The following GPC6 variants were observed in gnomAD, a reference collection of about 807,000 sequenced individuals.
The protein encoded by GPC6 is glypican-6.
A neutral mutation model predicts 55.2 loss-of-function variants in GPC6; 14 were observed. The ratio of observed to expected loss-of-function variants is 0.25; its 90% CI spans 0.17 to 0.40. The LOEUF is 0.40. Ranked by LOEUF, GPC6 falls within the 10% of genes least tolerant of loss-of-function variation. The pLI is 1.00. For synonymous variants in GPC6, 278 were observed against 259.6 expected, an observed-to-expected ratio of 1.07 and a Z score of -0.68; for missense variants, 641 against 708.5, an observed-to-expected ratio of 0.90 and a Z score of 1.08.
chr13:93,571,929 A>C (rs1594277501), intron 2 of GPC6, among the ~76,000 whole-genome samples: 1 of 151,608 alleles, frequency 6.6e-6, no homozygotes, highest in South Asian at 2.1e-4. Context: ...TTTTCAAAAA[A>C]TGATTTCATA....
In GPC6 at chr13:93,289,892, A is replaced by G. The variant is rs548308849; in HGVS notation, c.160+62276A>G. 2.6e-5 allele frequency among the ~76,000 whole-genome samples: 4 copies of G among 152,334 alleles called. No homozygotes were observed. The South Asian group carries it at 8.3e-4, about 32-fold the overall frequency. Reference sequence around the variant, plus strand: ...ACTGGTCATGAGAGGCTGATATTGCATGGAAAAATAGCTCCTCTTTTGAAA... The same window carrying G: ...ACTGGTCATGAGAGGCTGATATTGCGTGGAAAAATAGCTCCTCTTTTGAAA... On this transcript the variant is annotated intron_variant, in intron 1 of 8. Coordinates refer to ENST00000377047, the MANE Select transcript of GPC6 (RefSeq NM_005708.5).
chr13:94,215,872 C>A (rs1050299454), intron 4 of GPC6, among the ~76,000 whole-genome samples: 1 of 152,130 alleles, frequency 6.6e-6, no homozygotes. Context: ...AAAAGGGGTA[C>A]ATTTAACTTC....
intron 3 of GPC6, among the ~76,000 whole-genome samples, chr13:93,890,981 C>T (rs1388933054): frequency 6.6e-6 from 1 of 151,698 alleles, no homozygotes; most frequent in Non-Finnish European, 1.5e-5. Flanking sequence ...GTAACACTAG[C>T]GAGACATGTC....
intron 1 of GPC6, among the ~76,000 whole-genome samples, chr13:93,408,312 A>G (rs1345865848): frequency 1.3e-5 from 2 of 152,188 alleles, no homozygotes; most frequent in Non-Finnish European, 2.9e-5. Flanking sequence ...GGACTAGAAT[A>G]GAAGAGGTGA....
intron 4 of GPC6, among the ~76,000 whole-genome samples, chr13:94,257,058 G>A (rs1891528588): frequency 6.6e-6 from 1 of 152,144 alleles, no homozygotes; most frequent in Admixed American, 6.5e-5. Context: ...TTTAACAAGT[G>A]TTTCTTTTGA....
At chr13:94,238,428 G>A (rs1162365104) in intron 4 of GPC6, among the ~76,000 whole-genome samples, 1 of 152,082 alleles carries the variant, frequency 6.6e-6, no homozygotes. Flanking sequence ...CATGAGACCA[G>A]AGGTGGAAGA....
chr13:94,144,581 C>CAG (rs139887574), intron 4 of GPC6, among the ~76,000 whole-genome samples: 4 of 141,270 alleles, frequency 2.8e-5, no homozygotes, highest in Admixed American at 1.4e-4. Context: ...GTGTATAAGA[C>CAG]AGAGAGAGAG....
rs1258317128 is a variant in GPC6, at chr13:94,133,440, A to G, written c.877+105546A>G. Among the ~76,000 whole-genome samples, 3 of 152,298 alleles carry G rather than the reference A, an allele frequency of 2.0e-5. No homozygotes were observed. The East Asian group carries it at 5.8e-4, about 29-fold the overall frequency. ...CTTAAAAAATAAAAAATCAAATTAA[A>G]AAATCAGAACAAACAGGGAATGTAT... On this transcript the variant is annotated intron_variant, in intron 4 of 8. Transcript: ENST00000377047.
chr13:93,609,481 G>T (rs578197470), intron 2 of GPC6, among the ~76,000 whole-genome samples: 3 of 152,208 alleles, frequency 2.0e-5, no homozygotes, highest in South Asian at 4.1e-4. Flanking sequence ...CAAATGATCC[G>T]CCGGCCTTGG....
chr13:93,969,709 TC>T (rs1460464432), intron 3 of GPC6, among the ~76,000 whole-genome samples: 5 of 152,150 alleles, frequency 3.3e-5, no homozygotes, highest in Admixed American at 6.6e-5. Context: ...CATTTTTTTT[TC>T]CTTCATCCCT....
At chr13:94,057,897 C>T (rs1445423923) in intron 4 of GPC6, among the ~76,000 whole-genome samples, 1 of 152,202 alleles carries the variant, frequency 6.6e-6, no homozygotes, top group Non-Finnish European at 1.5e-5. Context: ...TGTATTCAAA[C>T]TCACTATAGA....
chr13:93,538,075 GT>G (rs1156368372), intron 1 of GPC6, among the ~76,000 whole-genome samples: 1 of 152,070 alleles, frequency 6.6e-6, no homozygotes, highest in South Asian at 2.1e-4. Flanking sequence ...AATCATTGCA[GT>G]TTAAGGAACA....
intron 2 of GPC6, among the ~76,000 whole-genome samples, chr13:93,735,696 C>T (rs1265929843): frequency 6.6e-6 from 1 of 152,178 alleles, no homozygotes; most frequent in Admixed American, 6.5e-5. Flanking sequence ...GGTCAATTTT[C>T]AAAGCCAAAA....
chr13:93,845,958 A>G (rs1371633061), intron 3 of GPC6, among the ~76,000 whole-genome samples: 2 of 151,938 alleles, frequency 1.3e-5, no homozygotes, highest in African/African-American at 2.4e-5. Flanking sequence ...CAATGTGCAC[A>G]TGTACCCTAA....
chr13:93,310,347 C>A (rs112925234), intron 1 of GPC6, among the ~76,000 whole-genome samples: 5 of 152,188 alleles, frequency 3.3e-5, no homozygotes, highest in Admixed American at 6.5e-5. Context: ...CTTCCTTCTA[C>A]GTCAGTTCCC....
At chr13:93,442,190 G>A (rs1464197524) in intron 1 of GPC6, among the ~76,000 whole-genome samples, 1 of 152,118 alleles carries the variant, frequency 6.6e-6, no homozygotes, top group African/African-American at 2.4e-5. Context: ...CAGTGAAAAG[G>A]ATCCACCAGA....
intron 2 of GPC6, among the ~76,000 whole-genome samples, chr13:93,809,605 T>C (rs1481506748): frequency 6.6e-6 from 1 of 152,236 alleles, no homozygotes; most frequent in Non-Finnish European, 1.5e-5. Flanking sequence ...TTTGCACATA[T>C]GTGCCCACTA....
intron 3 of GPC6, among the ~76,000 whole-genome samples, chr13:94,004,998 G>A (rs1487622041): frequency 1.3e-5 from 2 of 152,084 alleles, no homozygotes; most frequent in African/African-American, 4.8e-5. Flanking sequence ...AGGGGGAGGC[G>A]GAGGTTGCAG....
chr13:93,915,016 G>A (rs1414811568), intron 3 of GPC6, among the ~76,000 whole-genome samples: 1 of 152,104 alleles, frequency 6.6e-6, no homozygotes, highest in Admixed American at 6.5e-5. Context: ...CCCAAACTCA[G>A]CATGTCACAA....
Sources: gnomAD v4.1 joint callset for allele counts (sites outside exome capture counted in the v4.1 genomes callset) on GRCh38, gnomAD v4.1.1 for gene constraint, MANE v1.5 for transcripts, NCBI Gene and HGNC (gene_info 2026-07-23, HGNC 2026-07-21) for gene names.